BIRC2: variants seen among roughly 807,000 people sequenced by gnomAD.
BIRC2 encodes the protein baculoviral IAP repeat containing 2.
In BIRC2, 18 loss-of-function variants were observed where a neutral mutation model predicts 60.9. The ratio of observed to expected loss-of-function variants is 0.30; its 90% CI spans 0.20 to 0.44. BIRC2 has a LOEUF of 0.44. BIRC2 is among the 20% of genes least tolerant of loss of function. BIRC2 has a pLI of 1.00. For missense variants in BIRC2, 701 were observed against 728.5 expected (o/e 0.96, Z 0.43); for synonymous variants, 282 against 247.7 (o/e 1.14, Z -1.30).
intron 6 of BIRC2, among the ~76,000 whole-genome samples, chr11:102,376,463 AG>A (rs1951715459): frequency 6.6e-6 from 1 of 152,248 alleles, no homozygotes. Context: ...GAGATGTAAA[AG>A]GGGAAAGAAG....
chr11:102,373,307 G>T (rs901782618), intron 6 of BIRC2, among the ~76,000 whole-genome samples: 2 of 152,110 alleles, frequency 1.3e-5, no homozygotes. Flanking sequence ...TGCTGGTACC[G>T]GTTGTTCCTT....
intron 5 of BIRC2, among the ~76,000 whole-genome samples, chr11:102,365,830 C>T (rs1197473091): frequency 6.6e-6 from 1 of 152,132 alleles, no homozygotes; most frequent in East Asian, 1.9e-4. Context: ...TGAGCTTAAG[C>T]AATCTGCCTG....
intron 3 of BIRC2, among the ~76,000 whole-genome samples, chr11:102,351,614 CA>C (rs768269523): frequency 0.011 from 740 of 68,548 alleles, 2 homozygotes; most frequent in African/African-American, 0.041. Flanking sequence ...GACTCTGTCT[CA>C]AAAAAAAAAA....
intron 3 of BIRC2, among the ~76,000 whole-genome samples, chr11:102,360,573 T>TG (rs1379588260): frequency 6.6e-6 from 1 of 152,088 alleles, no homozygotes; most frequent in Non-Finnish European, 1.5e-5. Flanking sequence ...TGTAGCTCAC[T>TG]GAGTTTGCTT....
At chr11:102,351,747 CTTTT>C in intron 3 of BIRC2, among the ~76,000 whole-genome samples, 1 of 149,334 alleles carries the variant, frequency 6.7e-6, no homozygotes, top group East Asian at 2.0e-4. Flanking sequence ...CTAGCAGTGT[CTTTT>C]TTTATTATAG....
At position 102,373,265 on chromosome 11, in the gene BIRC2, A is replaced by G. The variant is rs1228641414; in HGVS notation, c.1367-4231A>G. Among the ~76,000 whole-genome samples the G allele has an allele frequency of 3.3e-5, 5 of 152,182 alleles. 1 individual carries two copies. Among genetic ancestry groups the G allele is most frequent in the South Asian group, 4.2e-4 (2 of 4,816 alleles). On this transcript the variant is annotated intron_variant, in intron 6 of 8. Coordinates refer to ENST00000227758, the MANE Select transcript of BIRC2 (RefSeq NM_001166.5). ...TTGATGCAGTTTCTTCCTAGTCTCA[A>G]TGGTCTTTACATTTTGGCATGATTT...
chr11:102,349,469 A>T lies in BIRC2; in HGVS notation c.-386A>T, dbSNP rs1951327832. ...TCATAGCTTGTAACCAAATATAAAT[A>T]AAAGGCATAATTTAGGTATTCTATA... On this transcript the variant is annotated 5_prime_UTR_variant, in exon 2 of 9. Coordinates refer to ENST00000227758, the MANE Select transcript of BIRC2 (RefSeq NM_001166.5). 1 of 157,988 alleles carries T rather than the reference A, an allele frequency of 6.3e-6. No homozygotes were observed. Among genetic ancestry groups the T allele is most frequent in the South Asian group, 1.9e-4 (1 of 5,134 alleles). The allele number at this position is 157,988 out of a possible 1,614,324, so 9.8% of individuals were successfully genotyped here. A position where few individuals can be genotyped will look rare whatever the true frequency, so the allele number is the denominator to read the frequency against.
chr11:102,375,801 C>T (rs1038584737), intron 6 of BIRC2, among the ~76,000 whole-genome samples: 1 of 150,368 alleles, frequency 6.7e-6, no homozygotes, highest in Admixed American at 6.6e-5. Context: ...AAAAAAAATT[C>T]CAGTTCTATC....
intron 3 of BIRC2, among the ~76,000 whole-genome samples, chr11:102,353,679 CTTTTTTTTTTTTTTTT>C (rs60766578): frequency 2.3e-5 from 2 of 86,090 alleles, no homozygotes; most frequent in African/African-American, 9.7e-5. Context: ...TAGTAACTTT[CTTTTTTTTTTTTTTTT>C]TTTTTTTTGG....
intron 3 of BIRC2, among the ~76,000 whole-genome samples, chr11:102,354,454 C>G (rs776739780): frequency 6.6e-6 from 1 of 152,164 alleles, no homozygotes; most frequent in African/African-American, 2.4e-5. Flanking sequence ...AGTGATCCAC[C>G]CGGAGTGGAT....
At chr11:102,347,872 C>T (rs554912203) in intron 1 of BIRC2, 1 of 152,312 alleles carries the variant, frequency 6.6e-6, no homozygotes, top group Admixed American at 6.5e-5. Context: ...CTATTCTTTT[C>T]CCTTCCATCC....
At chr11:102,371,628 CT>C (rs1347581387) in intron 6 of BIRC2, among the ~76,000 whole-genome samples, 2 of 148,024 alleles carry the variant, frequency 1.4e-5, no homozygotes, top group Non-Finnish European at 3.0e-5. Flanking sequence ...CTAAAATTCT[CT>C]TTTTTTGTTG....
chr11:102,376,766 A>C (rs1004803377), intron 6 of BIRC2, among the ~76,000 whole-genome samples: 1 of 152,222 alleles, frequency 6.6e-6, no homozygotes, highest in Non-Finnish European at 1.5e-5. Context: ...TTAACTATGT[A>C]CCACATATTG....
At chr11:102,374,351 G>A (rs1286258604) in intron 6 of BIRC2, among the ~76,000 whole-genome samples, 4 of 149,626 alleles carry the variant, frequency 2.7e-5, no homozygotes, top group Non-Finnish European at 4.5e-5. Context: ...TTTTCGGTGT[G>A]GATGTCCTTT....
chr11:102,355,822 C>A (rs1951413571), intron 3 of BIRC2, among the ~76,000 whole-genome samples: 1 of 152,078 alleles, frequency 6.6e-6, no homozygotes, highest in African/African-American at 2.4e-5. Context: ...TTGTGTTTCT[C>A]TTTTACCTCC....
At chr11:102,363,823 G>T (rs190460453) in intron 5 of BIRC2, 107 bp downstream of exon 5, 6 of 761,328 alleles carry the variant, frequency 7.9e-6, no homozygotes, top group Non-Finnish European at 8.4e-6. Flanking sequence ...TTGAGAGGCC[G>T]AGGTTGACAG....
intron 3 of BIRC2, among the ~76,000 whole-genome samples, chr11:102,354,944 GT>G (rs61520984): frequency 0.018 from 1,571 of 89,650 alleles, 10 homozygotes; most frequent in East Asian, 0.06. Flanking sequence ...AATTATTTGG[GT>G]TTTTTTTTTT....
At chr11:102,371,975 C>G (rs1413040362) in intron 6 of BIRC2, among the ~76,000 whole-genome samples, 1 of 152,172 alleles carries the variant, frequency 6.6e-6, no homozygotes, top group Non-Finnish European at 1.5e-5. Flanking sequence ...GTAGTATTCT[C>G]TGATGGTAGT....
At chr11:102,363,783 G>T in intron 5 of BIRC2, 67 bp downstream of exon 5, 1 of 1,307,712 alleles carries the variant, frequency 7.6e-7, no homozygotes, top group Non-Finnish European at 1.1e-6. Context: ...TAGGCTGGGT[G>T]CAGTGGCTCA....
Sources: gnomAD v4.1 joint callset for allele counts (sites outside exome capture counted in the v4.1 genomes callset) on GRCh38, gnomAD v4.1.1 for gene constraint, MANE v1.5 for transcripts, NCBI Gene and HGNC (gene_info 2026-07-23, HGNC 2026-07-21) for gene names.